Variants in CSMD1 observed in about 807,000 individuals in gnomAD.
CSMD1 encodes CUB and sushi domain-containing protein 1.
A neutral mutation model predicts 417.5 loss-of-function variants in CSMD1; 213 were observed. The ratio of observed to expected loss-of-function variants is 0.51; its 90% CI spans 0.46 to 0.57. The LOEUF (loss-of-function observed/expected upper bound fraction) is 0.57, where lower values mean the gene tolerates loss of function less well. Ranked by LOEUF, CSMD1 falls within the 20% of genes least tolerant of loss-of-function variation. The pLI is 0.00. For missense variants in CSMD1, 6,923 were observed against 4,529.7 expected, an observed-to-expected ratio of 1.53 and a Z score of -15.17; for synonymous variants, 2,862 against 1,736.8, an observed-to-expected ratio of 1.65 and a Z score of -16.11.
intron 3 of CSMD1, among the ~76,000 whole-genome samples, chr8:4,240,563 C>T (rs963302628): frequency 2.0e-5 from 3 of 152,148 alleles, no homozygotes; most frequent in East Asian, 1.9e-4. Flanking sequence ...GTGCCTCCTG[C>T]CTTTTTATTT....
chr8:3,941,447 T>C (rs1810877017), intron 5 of CSMD1, among the ~76,000 whole-genome samples: 1 of 152,174 alleles, frequency 6.6e-6, no homozygotes, highest in Non-Finnish European at 1.5e-5. Context: ...ATTTGATTGA[T>C]TCCTGAAACA....
At chr8:4,362,467 G>C (rs975106701) in intron 3 of CSMD1, among the ~76,000 whole-genome samples, 1 of 152,190 alleles carries the variant, frequency 6.6e-6, no homozygotes, top group Non-Finnish European at 1.5e-5. Context: ...TTGCTGATAA[G>C]ATTACGGCTT....
chr8:3,845,473 C>G (rs758155057), intron 5 of CSMD1, among the ~76,000 whole-genome samples: 3 of 152,120 alleles, frequency 2.0e-5, no homozygotes, highest in Non-Finnish European at 4.4e-5. Flanking sequence ...GAAAAATCAG[C>G]ATAAAAGATA....
At chr8:4,114,754 T>C (rs977122026) in intron 3 of CSMD1, among the ~76,000 whole-genome samples, 7 of 152,170 alleles carry the variant, frequency 4.6e-5, no homozygotes, top group Non-Finnish European at 1.0e-4. Flanking sequence ...ACAGTTGAGT[T>C]TCAAGAATAT....
At chr8:3,267,385 G>A (rs1195726397) in intron 26 of CSMD1, among the ~76,000 whole-genome samples, 5 of 152,232 alleles carry the variant, frequency 3.3e-5, no homozygotes, top group Non-Finnish European at 5.9e-5. Flanking sequence ...AAATACAAAG[G>A]TGCGTTGGAG....
intron 1 of CSMD1, among the ~76,000 whole-genome samples, chr8:4,798,233 G>T (rs949426840): frequency 6.6e-6 from 1 of 151,986 alleles, no homozygotes; most frequent in Non-Finnish European, 1.5e-5. Context: ...TCATTGTTCA[G>T]TTCCCACCTA....
intron 16 of CSMD1, among the ~76,000 whole-genome samples, chr8:3,398,717 TC>T (rs1811850607): frequency 1.3e-5 from 2 of 152,116 alleles, no homozygotes; most frequent in African/African-American, 4.8e-5. Flanking sequence ...CATGACAAAA[TC>T]TTTTTAGTTT....
At chr8:3,549,146 T>C (rs540641280) in intron 10 of CSMD1, among the ~76,000 whole-genome samples, 1 of 152,180 alleles carries the variant, frequency 6.6e-6, no homozygotes, top group Non-Finnish European at 1.5e-5. Context: ...TGCTTCTAGA[T>C]TGGGTGTCTG....
intron 1 of CSMD1, among the ~76,000 whole-genome samples, chr8:4,850,380 A>ATTTTT (rs1403352847): frequency 2.4e-5 from 2 of 82,754 alleles, no homozygotes; most frequent in Non-Finnish European, 2.3e-5. Context: ...AATCCAATTT[A>ATTTTT]TCTTTTTTTT....
intron 3 of CSMD1, among the ~76,000 whole-genome samples, chr8:4,156,526 T>C (rs777037848): frequency 9.9e-4 from 151 of 152,342 alleles, no homozygotes; most frequent in Middle Eastern, 3.4e-3. Context: ...TAAGTTCCTC[T>C]TATTTGACTT....
chr8:4,478,087 A>G (rs2130105706), intron 2 of CSMD1, among the ~76,000 whole-genome samples: 1 of 152,182 alleles, frequency 6.6e-6, no homozygotes, highest in Admixed American at 6.5e-5. Flanking sequence ...CTGTTTTTTT[A>G]TGGGGCCATA....
chr8:4,493,329 T>A (rs894116865), intron 2 of CSMD1, among the ~76,000 whole-genome samples: 4 of 152,172 alleles, frequency 2.6e-5, no homozygotes, highest in Non-Finnish European at 5.9e-5. Context: ...TGTGTGTATG[T>A]TCACTCTTAA....
chr8:4,484,111 G>A (rs73180913), intron 2 of CSMD1, among the ~76,000 whole-genome samples: 1 of 151,476 alleles, frequency 6.6e-6, no homozygotes, highest in Non-Finnish European at 1.5e-5. Flanking sequence ...GAGAGCTGGG[G>A]TCATGAGGTT....
intron 2 of CSMD1, among the ~76,000 whole-genome samples, chr8:4,486,132 TATATACATAC>T (rs1429757865): frequency 0.022 from 706 of 32,504 alleles, 22 homozygotes; most frequent in African/African-American, 0.077. Flanking sequence ...CATATATATA[TATATACATAC>T]ATATATATAT....
At chr8:4,273,385 T>G (rs1347182901) in intron 3 of CSMD1, among the ~76,000 whole-genome samples, 1 of 152,146 alleles carries the variant, frequency 6.6e-6, no homozygotes, top group Non-Finnish European at 1.5e-5. Flanking sequence ...GTTTCTGGAT[T>G]TCATATCAGA....
intron 2 of CSMD1, among the ~76,000 whole-genome samples, chr8:4,499,098 T>C (rs1157962680): frequency 6.6e-6 from 1 of 152,206 alleles, no homozygotes; most frequent in Non-Finnish European, 1.5e-5. Context: ...AATGAAATGT[T>C]AAAATGCAGT....
intron 2 of CSMD1, among the ~76,000 whole-genome samples, chr8:4,626,453 G>A (rs916968130): frequency 6.6e-6 from 1 of 152,074 alleles, no homozygotes; most frequent in African/African-American, 2.4e-5. Context: ...TCTGTTTGAG[G>A]GTTTAGTGTG....
intron 3 of CSMD1, among the ~76,000 whole-genome samples, chr8:4,327,897 C>G (rs1799648785): frequency 6.6e-6 from 1 of 152,152 alleles, no homozygotes; most frequent in Non-Finnish European, 1.5e-5. Context: ...CCTTTTGCTT[C>G]CAGGTCCCTA....
chr8:4,727,806 G>A (rs1051675364), intron 1 of CSMD1, among the ~76,000 whole-genome samples: 1 of 150,524 alleles, frequency 6.6e-6, no homozygotes, highest in South Asian at 2.1e-4. Flanking sequence ...ATATATGTTT[G>A]GTACATGTAT....
Sources: allele counts gnomAD v4.1 joint callset (sites outside exome capture counted in the v4.1 genomes callset), GRCh38; gene constraint gnomAD v4.1.1; transcripts MANE v1.5; gene names NCBI Gene and HGNC (gene_info 2026-07-23, HGNC 2026-07-21).